Variants in EYA2 observed in about 807,000 individuals in gnomAD.
The protein encoded by EYA2 is EYA transcriptional coactivator and phosphatase 2.
In EYA2, 31 loss-of-function variants were observed where a neutral mutation model predicts 69.2. The ratio of observed to expected loss-of-function variants is 0.45; its 90% CI spans 0.34 to 0.60. EYA2 has a LOEUF of 0.60. Among genes scored for constraint, EYA2 ranks in the 20% least tolerant of loss-of-function variants. The pLI is 0.02. For missense variants in EYA2, 622 were observed against 701.2 expected (o/e 0.89, Z 1.28); for synonymous variants, 257 against 279.4 (o/e 0.92, Z 0.80).
chr20:47,063,102 G>A (rs2030957694), intron 5 of EYA2, among the ~76,000 whole-genome samples: 1 of 152,134 alleles, frequency 6.6e-6, no homozygotes, highest in Non-Finnish European at 1.5e-5. Flanking sequence ...CCATTTTAAA[G>A]TGTACAACTC....
At chr20:46,973,689 T>C (rs1980278773) in intron 1 of EYA2, among the ~76,000 whole-genome samples, 2 of 152,070 alleles carry the variant, frequency 1.3e-5, no homozygotes, top group African/African-American at 4.8e-5. Flanking sequence ...AAGTAATGGG[T>C]GCACAGAAGT....
chr20:47,081,947 C>T (rs2031737119), intron 7 of EYA2, among the ~76,000 whole-genome samples: 1 of 151,808 alleles, frequency 6.6e-6, no homozygotes, highest in Non-Finnish European at 1.5e-5. Context: ...TCAAGTGATT[C>T]TCCTCCCTCA....
At chr20:46,959,789 A>G (rs1979360284) in intron 1 of EYA2, among the ~76,000 whole-genome samples, 1 of 152,092 alleles carries the variant, frequency 6.6e-6, no homozygotes, top group African/African-American at 2.4e-5. Flanking sequence ...TCCAGGGCTC[A>G]TCTCTTTTCT....
intron 11 of EYA2, among the ~76,000 whole-genome samples, chr20:47,170,951 A>G (rs1416264854): frequency 2.0e-5 from 3 of 152,222 alleles, no homozygotes; most frequent in South Asian, 4.1e-4. Flanking sequence ...GCCCGGCACA[A>G]TCGGAAGTGA....
chr20:47,112,133 C>G (rs1047663214), intron 9 of EYA2, among the ~76,000 whole-genome samples: 11 of 152,032 alleles, frequency 7.2e-5, no homozygotes, highest in African/African-American at 2.7e-4. Flanking sequence ...AGAGCAAGAC[C>G]GCTGTCTCAA....
At chr20:46,895,270 C>G (rs1983742373) in intron 1 of EYA2, among the ~76,000 whole-genome samples, 1 of 152,300 alleles carries the variant, frequency 6.6e-6, no homozygotes, top group East Asian at 1.9e-4. Flanking sequence ...TTTGCTCTCC[C>G]GCGCGCGGGA....
chr20:47,039,166 A>G (rs17503225), intron 5 of EYA2, among the ~76,000 whole-genome samples: 25,323 of 151,808 alleles, frequency 0.17, 2,262 homozygotes, highest in Non-Finnish European at 0.2. Context: ...GTTTCTAACT[A>G]TTTTGACCTA....
chr20:47,156,967 T>G (rs1335723696), intron 10 of EYA2, among the ~76,000 whole-genome samples: 2 of 151,282 alleles, frequency 1.3e-5, no homozygotes, highest in East Asian at 4.0e-4. Flanking sequence ...AGCAGGAGAG[T>G]TTGAGAAACC....
intron 9 of EYA2, among the ~76,000 whole-genome samples, chr20:47,110,901 C>T (rs2032731685): frequency 6.6e-6 from 1 of 152,242 alleles, no homozygotes; most frequent in Admixed American, 6.5e-5. Flanking sequence ...AGCCTGGCCT[C>T]ACCTAGAGCC....
At chr20:47,181,743 G>A (rs2034542359) in intron 14 of EYA2, among the ~76,000 whole-genome samples, 2 of 152,028 alleles carry the variant, frequency 1.3e-5, no homozygotes, top group Non-Finnish European at 2.9e-5. Context: ...ATAATTTATA[G>A]TACTTTGGCA....
At chr20:47,090,335 G>A (rs1042327412) in intron 8 of EYA2, among the ~76,000 whole-genome samples, 3 of 151,042 alleles carry the variant, frequency 2.0e-5, no homozygotes, top group African/African-American at 7.3e-5. Flanking sequence ...CACCTCCCAG[G>A]TTCAAGCGAT....
Position 47,091,166 on chromosome 20 carries a change from A to C in EYA2, c.804+1785A>C, listed in dbSNP as rs555901943. Among the ~76,000 whole-genome samples the C allele has an allele frequency of 7.8e-4, 118 of 152,244 alleles. 1 individual carries two copies. Among genetic ancestry groups the C allele is most frequent in the African/African-American group, 1.3e-3 (52 of 41,542 alleles). ...AATGTAATTTTAACCCTGAGTCCCC[A>C]TGCCACCAGATGGTAAGAAATTTCA... On this transcript the variant is annotated intron_variant, in intron 8 of 15. Coordinates refer to ENST00000327619, the MANE Select transcript of EYA2 (RefSeq NM_005244.5).
In EYA2 at chr20:46,989,985, C is replaced by T. The variant is rs776900114; in HGVS notation, c.-10-16C>T. The T allele has an allele frequency of 5.6e-6, 7 of 1,239,032 alleles. No individual in the cohort carries two copies. The highest frequency in any genetic ancestry group is 8.3e-6 in the Non-Finnish European group (7 of 839,066). The allele number at this position is 1,239,032 out of a possible 1,614,324, so 76.8% of individuals were successfully genotyped here. ...TAATTAATGAATAAATTATATTTCC[C>T]TTTGTTTTCTTTCAGGTACAAGGAA... On this transcript the variant is annotated splice_polypyrimidine_tract_variant and intron_variant, in intron 1 of 15. Coordinates refer to ENST00000327619, the MANE Select transcript of EYA2 (RefSeq NM_005244.5).
intron 2 of EYA2, among the ~76,000 whole-genome samples, chr20:46,995,980 A>G (rs1204570721): frequency 6.6e-6 from 1 of 152,240 alleles, no homozygotes; most frequent in African/African-American, 2.4e-5. Context: ...ACAAGGTCTC[A>G]TGGCTGTATT....
chr20:47,070,618 G>A lies in EYA2; in HGVS notation c.416-1567G>A, dbSNP rs182019914. Among the ~76,000 whole-genome samples the A allele has an allele frequency of 2.6e-4, 40 of 152,208 alleles. No individual in the cohort carries two copies. The East Asian group carries it at 6.8e-3, about 26-fold the overall frequency. On this transcript the variant is annotated intron_variant, in intron 5 of 15. Transcript: ENST00000327619. ...TGCTTATATTGCATTATCCATAATA[G>A]CCCAATATTGGATGTTGTACATCTA...
At chr20:46,914,948 G>A (rs558412511) in intron 1 of EYA2, among the ~76,000 whole-genome samples, 56 of 152,288 alleles carry the variant, frequency 3.7e-4, no homozygotes, top group African/African-American at 1.2e-3. Flanking sequence ...CTGGAGTATG[G>A]GGACAGGGGG....
chr20:46,999,831 G>A (rs539900026), intron 2 of EYA2, among the ~76,000 whole-genome samples: 3 of 152,276 alleles, frequency 2.0e-5, no homozygotes, highest in South Asian at 4.2e-4. Flanking sequence ...CTTGACCTTC[G>A]GAGCCCCGGT....
At chr20:47,138,959 A>G (rs1050186735) in intron 9 of EYA2, among the ~76,000 whole-genome samples, 1 of 152,134 alleles carries the variant, frequency 6.6e-6, no homozygotes, top group Admixed American at 6.5e-5. Flanking sequence ...CATACAGTAC[A>G]TAGTACATAA....
intron 4 of EYA2, among the ~76,000 whole-genome samples, chr20:47,011,250 C>G (rs1983038392): frequency 6.6e-6 from 1 of 152,158 alleles, no homozygotes; most frequent in Admixed American, 6.5e-5. Context: ...GCAGAGGGCA[C>G]CTGCCTCAGT....
Sources: allele counts gnomAD v4.1 joint callset (sites outside exome capture counted in the v4.1 genomes callset), GRCh38; gene constraint gnomAD v4.1.1; transcripts MANE v1.5; gene names NCBI Gene and HGNC (gene_info 2026-07-23, HGNC 2026-07-21).